Variants in TRPM2 observed in about 807,000 individuals in gnomAD.
TRPM2 encodes the protein estrogen-responsive element-associated gene 1 protein.
Under a neutral mutation model 174.0 loss-of-function variants are expected in TRPM2, and 161 were observed. The observed-to-expected ratio is 0.93, with a 90% CI of 0.81 to 1.05. The LOEUF (loss-of-function observed/expected upper bound fraction) is 1.05. Among genes scored for constraint, TRPM2 ranks in the 50% least tolerant of loss-of-function variants. The pLI is 0.00. For synonymous variants in TRPM2, 954 were observed against 861.3 expected (o/e 1.11, Z -1.88); for missense variants, 2,057 against 2,038.0 (o/e 1.01, Z -0.18).
At chr21:44,423,768 C>T in intron 23 of TRPM2, 36 bp downstream of exon 23, 7 of 1,539,676 alleles carry the variant, frequency 4.5e-6, no homozygotes, top group Non-Finnish European at 6.2e-6. Context: ...CAGGAGGTGC[C>T]ACTGCTGGGC....
rs370836582 is a variant in TRPM2 at position 44,441,508 on chromosome 21, A to G, written c.4387-184A>G. Among the ~76,000 whole-genome samples the G allele has an allele frequency of 3.9e-5, 6 of 152,284 alleles. No individual in the cohort carries two copies. In the South Asian group the frequency reaches 6.2e-4, roughly 16 times the overall value. On this transcript the variant is annotated intron_variant, in intron 31 of 31. Transcript: ENST00000397928. Reference sequence around the variant, plus strand: ...CTGCACCTGCATCTTCTTCCCCTGAAGGATCCTCAGGGCCTTGTGGGTGCA... The same window carrying G: ...CTGCACCTGCATCTTCTTCCCCTGAGGGATCCTCAGGGCCTTGTGGGTGCA...
Position 44,439,004 on chromosome 21 carries a change from C to G in TRPM2, c.4168-63C>G. 10 of 1,429,628 alleles carry G rather than the reference C, an allele frequency of 7.0e-6. No homozygotes were observed. The highest frequency in any genetic ancestry group is 9.7e-6 in the Non-Finnish European group (10 of 1,030,704). 88.6% of individuals were successfully genotyped at this position (1,429,628 alleles called of 1,614,324 possible). A position where few individuals can be genotyped will look rare whatever the true frequency, so the allele number is the denominator to read the frequency against. Reference sequence around the variant, plus strand: ...GCAGGAGGCCAGTGGAGACGGGTGCCAGGGCAGCCTGAGGTCCCGCTTCGG... The same window carrying G: ...GCAGGAGGCCAGTGGAGACGGGTGCGAGGGCAGCCTGAGGTCCCGCTTCGG... On this transcript the variant is annotated intron_variant, in intron 29 of 31. Transcript: ENST00000397928. This position sits in a 1 kb window ranked among gnomAD's most constrained non-coding sequence, Gnocchi z 5.1.
chr21:44,409,282 T>C (rs1480900539), intron 19 of TRPM2, among the ~76,000 whole-genome samples: 1 of 152,202 alleles, frequency 6.6e-6, no homozygotes, highest in Non-Finnish European at 1.5e-5. Context: ...TGGTGTGCGG[T>C]AAGGGTCAGT....
upstream of TRPM2, among the ~76,000 whole-genome samples, chr21:44,350,811 T>G (rs1000012639): frequency 3.3e-5 from 5 of 151,780 alleles, no homozygotes; most frequent in African/African-American, 1.2e-4. Flanking sequence ...CGGGACGCCT[T>G]GCCGCTGGAG....
chr21:44,425,081 C>T (rs1223301412), intron 24 of TRPM2, 142 bp downstream of exon 24: 4 of 747,138 alleles, frequency 5.4e-6, no homozygotes, highest in Admixed American at 2.9e-5. Flanking sequence ...CAGGCAGGGC[C>T]AGCGCCCTCA....
intron 19 of TRPM2, 126 bp downstream of exon 19, chr21:44,406,891 G>T: frequency 7.9e-7 from 1 of 1,266,098 alleles, no homozygotes; most frequent in Non-Finnish European, 1.1e-6. Flanking sequence ...CCACCTGGCC[G>T]GTGTCCTCCC....
chr21:44,372,169 C>T (rs1234846170), intron 5 of TRPM2, among the ~76,000 whole-genome samples: 4 of 151,530 alleles, frequency 2.6e-5, no homozygotes, highest in Non-Finnish European at 5.9e-5. Flanking sequence ...CAACTACAAA[C>T]CTGTTACAGC....
At chr21:44,369,366 G>T (rs760943094) in intron 5 of TRPM2, 23 bp downstream of exon 5, 2 of 1,592,792 alleles carry the variant, frequency 1.3e-6, no homozygotes, top group Non-Finnish European at 1.7e-6. Context: ...CCCTAGGGAG[G>T]GGAGCCTAAG....
In TRPM2 at chr21:44,391,329, G is replaced by T; in HGVS notation, c.1498G>T (p.Val500Leu). ...AALISNKPEF[V>L]KLFLENGVQL... The stretch of plus-strand genomic sequence containing the variant: ...ACTCATCTCCAACAAGCCTGAGTTT[G>T]TGAAGCTCTTCCTGGAGAACGGGGT... The change falls in exon 11 of 32, where the codon GTG becomes TTG. Residue 500 changes from valine to leucine, a missense_variant. By Grantham distance (32) the Val-to-Leu change is conservative. Transcript: ENST00000397928. This position sits in a 1 kb window ranked among gnomAD's most constrained non-coding sequence, Gnocchi z 5.0. 6.2e-7 allele frequency: 1 copy of T among 1,614,166 alleles called. No individual in the cohort carries two copies. Among genetic ancestry groups the T allele is most frequent in the African/African-American group, 1.3e-5 (1 of 75,078 alleles).
In TRPM2 at chr21:44,367,839, C is replaced by T. The variant is rs887150773; in HGVS notation, c.604+905C>T. Among the ~76,000 whole-genome samples the T allele has an allele frequency of 3.3e-5, 5 of 152,204 alleles. No individual in the cohort carries two copies. Among genetic ancestry groups the T allele is most frequent in the African/African-American group, 1.2e-4 (5 of 41,434 alleles). ...GTGAGGCACGGCTGCATCTTTTGACCTGTGAGTCCCACAGCCCTGCTTGTA... is the reference window on the plus strand; with the variant it reads ...GTGAGGCACGGCTGCATCTTTTGACTTGTGAGTCCCACAGCCCTGCTTGTA... On this transcript the variant is annotated intron_variant, in intron 4 of 31. Coordinates refer to ENST00000397928, the MANE Select transcript of TRPM2 (RefSeq NM_003307.4). The surrounding 1 kb of genome is among the most constrained non-coding windows in gnomAD (Gnocchi z 4.6).
Position 44,440,909 on chromosome 21 carries a change from T to C in TRPM2, c.4386+4T>C, listed in dbSNP as rs1347816090. ...GGAGCTGAACAGGCTGAACTCTGTA[T>C]GTGCCTGGCCTCCCTGGAGGCGGGA... On this transcript the variant is annotated splice_donor_region_variant and intron_variant, in intron 31 of 31. Transcript: ENST00000397928. The C allele has an allele frequency of 6.2e-7, 1 of 1,613,230 alleles. No homozygotes were observed. The highest frequency in any genetic ancestry group is 1.1e-5 in the South Asian group (1 of 91,038).
intron 19 of TRPM2, among the ~76,000 whole-genome samples, chr21:44,411,452 A>G (rs896520460): frequency 6.6e-6 from 1 of 152,172 alleles, no homozygotes; most frequent in Non-Finnish European, 1.5e-5. Context: ...TTGAACTCTG[A>G]AACCTTGCTA....
In TRPM2 at chr21:44,378,998, C is replaced by T; in HGVS notation, c.1016C>T (p.Thr339Ile). The change falls in exon 8 of 32, where the codon ACC (threonine) becomes ATC (isoleucine). Residue 339 changes from threonine to isoleucine, a missense_variant and splice_region_variant. By Grantham distance (89) the Thr-to-Ile change is moderately conservative (BLOSUM62 -1). Coordinates refer to ENST00000397928, the MANE Select transcript of TRPM2 (RefSeq NM_003307.4). Reference protein sequence around the residue: ...VLEGGPGTLHTIDNATTNGTP... With the variant: ...VLEGGPGTLHIIDNATTNGTP... ...CTCACACCCCCACCTGCCTTGCAGA[C>T]CATCGACAACGCCACCACCAACGGC... 1.2e-6 allele frequency: 2 copies of T among 1,604,094 alleles called. No homozygotes were observed. Among genetic ancestry groups the T allele is most frequent in the Non-Finnish European group, 1.7e-6 (2 of 1,179,472 alleles).
chr21:44,417,069 G>A (rs1295734389), intron 20 of TRPM2, among the ~76,000 whole-genome samples: 6 of 112,816 alleles, frequency 5.3e-5, no homozygotes, highest in Non-Finnish European at 1.8e-5. Flanking sequence ...CATCACAGTG[G>A]GCACGTGGGC....
chr21:44,372,559 G>T (rs2048571508), intron 5 of TRPM2, among the ~76,000 whole-genome samples: 1 of 152,238 alleles, frequency 6.6e-6, no homozygotes, highest in Non-Finnish European at 1.5e-5. Context: ...CATCATTTAA[G>T]TCAGGGACGC....
intron 19 of TRPM2, among the ~76,000 whole-genome samples, chr21:44,408,311 G>C (rs1569081118): frequency 6.6e-6 from 1 of 152,016 alleles, no homozygotes; most frequent in African/African-American, 2.4e-5. Context: ...TTTTGTGTGG[G>C]TATGTTTTTA....
intron 27 of TRPM2, among the ~76,000 whole-genome samples, chr21:44,428,910 A>G (rs777485095): frequency 6.6e-5 from 10 of 152,258 alleles, no homozygotes; most frequent in Non-Finnish European, 1.3e-4. Context: ...CTCATAGCAG[A>G]TCATGCCACT....
In TRPM2 at chr21:44,395,413, G is replaced by A; in HGVS notation, c.1795-1G>A. 1 of 1,612,570 alleles carries A rather than the reference G, an allele frequency of 6.2e-7. No individual in the cohort carries two copies. Among genetic ancestry groups the A allele is most frequent in the Non-Finnish European group, 8.5e-7 (1 of 1,179,886 alleles). On this transcript the variant is annotated splice_acceptor_variant, in intron 11 of 31. Coordinates refer to ENST00000397928, the MANE Select transcript of TRPM2 (RefSeq NM_003307.4). LOFTEE classifies it high-confidence loss of function. ...GGCTCTGACAGTTCACTGCTCACCA[G>A]GTGCAGGGAGTGAGCCTCCGGTCCC...
chr21:44,440,981 T>C, intron 31 of TRPM2, 76 bp downstream of exon 31: 1 of 1,257,454 alleles, frequency 8.0e-7, no homozygotes, highest in Non-Finnish European at 1.2e-6. Flanking sequence ...GGGAGGGGGT[T>C]GGCAGGGATG....
Sources: allele counts gnomAD v4.1 joint callset (sites outside exome capture counted in the v4.1 genomes callset), GRCh38; gene constraint gnomAD v4.1.1; non-coding constraint Gnocchi (gnomAD v3.1); transcripts MANE v1.5; gene names NCBI Gene and HGNC (gene_info 2026-07-23, HGNC 2026-07-21).